The following TENM3 variants were observed in gnomAD, a reference collection of about 807,000 sequenced individuals.
TENM3 encodes the protein teneurin-3.
In TENM3, 63 loss-of-function variants were observed where a neutral mutation model predicts 255.1. The ratio of observed to expected loss-of-function variants is 0.25; its 90% CI spans 0.20 to 0.30. The LOEUF is 0.30. Ranked by LOEUF, TENM3 falls within the 10% of genes least tolerant of loss-of-function variation. The pLI, the probability that TENM3 is intolerant of heterozygous loss-of-function variation, is 1.00. For synonymous variants in TENM3, 1,306 were observed against 1,322.3 expected, an observed-to-expected ratio of 0.99 and a Z score of 0.27; for missense variants, 2,929 against 3,461.1, an observed-to-expected ratio of 0.85 and a Z score of 3.86.
the TENM3 span, among the ~76,000 whole-genome samples, chr4:181,546,674 A>G: frequency 7.2e-6 from 1 of 139,740 alleles, no homozygotes; most frequent in Non-Finnish European, 1.5e-5. Context: ...AGATCGCGCC[A>G]CTGCACTCCA....
In TENM3 at chr4:182,324,081, C is replaced by A. The variant is rs373428556; in HGVS notation, c.61C>A (p.Arg21=). The A allele has an allele frequency of 5.6e-6, 9 of 1,613,974 alleles. No individual in the cohort carries two copies. The highest frequency in any genetic ancestry group is 7.6e-6 in the Non-Finnish European group (9 of 1,179,886). The change falls in exon 2 of 28, where the codon CGG becomes AGG. Residue 21 remains arginine, a synonymous_variant. Coordinates refer to ENST00000511685, the MANE Select transcript of TENM3 (RefSeq NM_001080477.4). The part of the protein sequence containing the change: ...SLTKSRREKE[R]RYTNSSADNE... Reference sequence around the variant, plus strand: ...GACCAAGAGCAGACGAGAGAAGGAACGGCGCTACACAAATTCCTCCGCAGA... The same window carrying A: ...GACCAAGAGCAGACGAGAGAAGGAAAGGCGCTACACAAATTCCTCCGCAGA...
At chr4:181,970,138 A>T in the TENM3 span, among the ~76,000 whole-genome samples, 1 of 152,268 alleles carries the variant, frequency 6.6e-6, no homozygotes, top group Non-Finnish European at 1.5e-5. Flanking sequence ...AAAGCTAAAT[A>T]GTATTCATCT....
chr4:182,054,711 G>T, the TENM3 span, among the ~76,000 whole-genome samples: 1 of 152,100 alleles, frequency 6.6e-6, no homozygotes, highest in Non-Finnish European at 1.5e-5. Context: ...CATTCTCCAT[G>T]TGATGTGATC....
the TENM3 span, among the ~76,000 whole-genome samples, chr4:181,999,876 G>A: frequency 6.0e-4 from 92 of 152,242 alleles, no homozygotes; most frequent in Non-Finnish European, 1.1e-3. Context: ...TTATGGAAAA[G>A]AGCAGCAATT....
At chr4:182,334,861 A>G (rs1203726009) in intron 2 of TENM3, among the ~76,000 whole-genome samples, 2 of 152,188 alleles carry the variant, frequency 1.3e-5, no homozygotes, top group Non-Finnish European at 2.9e-5. Context: ...GGAGACTAAG[A>G]TAGGAATGAC....
At chr4:182,333,890 A>T (rs1370964761) in intron 2 of TENM3, among the ~76,000 whole-genome samples, 1 of 152,198 alleles carries the variant, frequency 6.6e-6, no homozygotes, top group Admixed American at 6.5e-5. Context: ...AAATATATGG[A>T]CAGTGTAGAT....
At chr4:181,636,443 G>A in the TENM3 span, among the ~76,000 whole-genome samples, 1 of 152,170 alleles carries the variant, frequency 6.6e-6, no homozygotes, top group Non-Finnish European at 1.5e-5. Context: ...GCACATGTTA[G>A]TCACATCCAC....
chr4:181,746,688 A>C, the TENM3 span, among the ~76,000 whole-genome samples: 1 of 151,760 alleles, frequency 6.6e-6, no homozygotes, highest in East Asian at 1.9e-4. Flanking sequence ...CTATGCAGAA[A>C]TCTATTTGCC....
At chr4:181,693,877 C>T in the TENM3 span, among the ~76,000 whole-genome samples, 1 of 152,120 alleles carries the variant, frequency 6.6e-6, no homozygotes, top group Non-Finnish European at 1.5e-5. Flanking sequence ...GATAAACCTA[C>T]GTGGACCTAG....
At chr4:182,769,739 G>A (rs564464977) in intron 22 of TENM3, among the ~76,000 whole-genome samples, 8 of 145,872 alleles carry the variant, frequency 5.5e-5, no homozygotes, top group South Asian at 2.2e-4. Context: ...AGCCAAGATC[G>A]CACCACTGTA....
At chr4:181,977,872 T>C in the TENM3 span, among the ~76,000 whole-genome samples, 195 of 152,194 alleles carry the variant, frequency 1.3e-3, no homozygotes, top group African/African-American at 4.5e-3. Flanking sequence ...AGAATCAGAA[T>C]AGGATAACGT....
At chr4:182,408,654 T>C (rs1769754178) in intron 3 of TENM3, among the ~76,000 whole-genome samples, 1 of 152,216 alleles carries the variant, frequency 6.6e-6, no homozygotes, top group African/African-American at 2.4e-5. Flanking sequence ...AAAATCAAAT[T>C]TAACTAGCCT....
chr4:182,312,310 T>C (rs2675514), intron 1 of TENM3, among the ~76,000 whole-genome samples: 7,772 of 152,186 alleles, frequency 0.051, 304 homozygotes, highest in African/African-American at 0.1. Context: ...TGCAGTGAGC[T>C]GTGATCGTAC....
chr4:182,542,535 G>A (rs1740988327), intron 3 of TENM3, among the ~76,000 whole-genome samples: 2 of 152,034 alleles, frequency 1.3e-5, no homozygotes, highest in African/African-American at 2.4e-5. Flanking sequence ...ACTTTATATA[G>A]GGTAGTTTTG....
the TENM3 span, among the ~76,000 whole-genome samples, chr4:181,713,769 T>A: frequency 6.6e-6 from 1 of 152,166 alleles, no homozygotes; most frequent in African/African-American, 2.4e-5. Flanking sequence ...AATTATACTC[T>A]TAAATTCTCA....
the TENM3 span, among the ~76,000 whole-genome samples, chr4:182,075,084 A>G: frequency 1.3e-5 from 2 of 151,746 alleles, no homozygotes; most frequent in Non-Finnish European, 2.9e-5. Flanking sequence ...GCTCCAACCC[A>G]TTGTTACCAT....
At chr4:182,411,218 T>C (rs1027190774) in intron 3 of TENM3, among the ~76,000 whole-genome samples, 2 of 152,240 alleles carry the variant, frequency 1.3e-5, no homozygotes, top group African/African-American at 4.8e-5. Context: ...GTGGACACCA[T>C]TGTGATTACA....
the TENM3 span, among the ~76,000 whole-genome samples, chr4:182,107,704 T>C: frequency 6.6e-6 from 1 of 152,168 alleles, no homozygotes; most frequent in Non-Finnish European, 1.5e-5. Context: ...TTTTTTCCTG[T>C]TAATCACATT....
At chr4:182,267,854 A>G (rs1169546752) in intron 1 of TENM3, among the ~76,000 whole-genome samples, 1 of 152,236 alleles carries the variant, frequency 6.6e-6, no homozygotes, top group Non-Finnish European at 1.5e-5. Context: ...AAAGAGAAAT[A>G]TTATGTTTCA....
Sources: allele counts gnomAD v4.1 joint callset (sites outside exome capture counted in the v4.1 genomes callset), GRCh38; gene constraint gnomAD v4.1.1; transcripts MANE v1.5; gene names NCBI Gene and HGNC (gene_info 2026-07-23, HGNC 2026-07-21).